Variants in LYRM4 observed in about 807,000 individuals in gnomAD.
The protein encoded by LYRM4 is LYR motif-containing protein 4.
A neutral mutation model predicts 11.7 loss-of-function variants in LYRM4; 9 were observed. The ratio of observed to expected loss-of-function variants is 0.77; its 90% CI spans 0.46 to 1.34. LYRM4 has a LOEUF of 1.34. Among genes scored for constraint, LYRM4 ranks in the 40% most tolerant of loss-of-function variants. LYRM4 has a pLI of 0.00. For synonymous variants in LYRM4, 42 were observed against 40.4 expected, an observed-to-expected ratio of 1.04 and a Z score of -0.15; for missense variants, 133 against 112.5, an observed-to-expected ratio of 1.18 and a Z score of -0.82.
chr6:5,079,143 G>T, the LYRM4 span, among the ~76,000 whole-genome samples: 4 of 152,148 alleles, frequency 2.6e-5, no homozygotes, highest in South Asian at 2.1e-4. Flanking sequence ...AAAACCCAAA[G>T]AAGTGGATAG....
rs116735506 is a variant in LYRM4, at chr6:5,181,549, T to C, written c.207+35069A>G. Reference sequence around the variant, plus strand: ...TCCCTAGATTTTCAAATGGTCCCTGTGTCCTCTCCTCCTCTTCACCACCAC... The same window carrying C: ...TCCCTAGATTTTCAAATGGTCCCTGCGTCCTCTCCTCCTCTTCACCACCAC... On this transcript the variant is annotated intron_variant, in intron 2 of 2. Transcript: ENST00000330636. 6.0e-3 allele frequency among the ~76,000 whole-genome samples: 907 copies of C among 152,282 alleles called. 11 individuals carry two copies. The highest frequency in any genetic ancestry group is 0.043 in the South Asian group (209 of 4,814).
At chr6:5,194,661 C>T (rs1404469994) in intron 2 of LYRM4, among the ~76,000 whole-genome samples, 1 of 152,184 alleles carries the variant, frequency 6.6e-6, no homozygotes, top group Non-Finnish European at 1.5e-5. Flanking sequence ...TGGAAAAATA[C>T]TACCTTTGAA....
At chr6:5,135,892 GC>G (rs1173758044) in intron 2 of LYRM4, among the ~76,000 whole-genome samples, 1 of 152,118 alleles carries the variant, frequency 6.6e-6, no homozygotes, top group Non-Finnish European at 1.5e-5. Flanking sequence ...AAACCCTGTA[GC>G]CATTAAACAC....
chr6:5,113,559 G>C (rs1277232089), intron 2 of LYRM4: 2 of 266,158 alleles, frequency 7.5e-6, no homozygotes, highest in Non-Finnish European at 1.5e-5. Flanking sequence ...TGCTGCAGGT[G>C]GATGCTGTAA....
At chr6:5,245,102 AAAAAAAAAAAAATATATAT>A (rs1764087595) in intron 1 of LYRM4, among the ~76,000 whole-genome samples, 2 of 56,496 alleles carry the variant, frequency 3.5e-5, no homozygotes, top group African/African-American at 1.3e-4. Context: ...AAAAAAAAAA[AAAAAAAAAAAAATATATAT>A]ATATATATAT....
chr6:5,204,433 C>T (rs1761573242), intron 2 of LYRM4, among the ~76,000 whole-genome samples: 1 of 152,042 alleles, frequency 6.6e-6, no homozygotes, highest in Admixed American at 6.6e-5. Flanking sequence ...AAAGCAGAAT[C>T]GAAGGACCCC....
At chr6:5,243,536 T>C (rs1461730320) in intron 1 of LYRM4, among the ~76,000 whole-genome samples, 4 of 152,198 alleles carry the variant, frequency 2.6e-5, no homozygotes, top group Admixed American at 2.0e-4. Flanking sequence ...AAATAAACAC[T>C]GGAGTCCCTC....
At chr6:5,083,676 G>A in the LYRM4 span, among the ~76,000 whole-genome samples, 2 of 152,192 alleles carry the variant, frequency 1.3e-5, no homozygotes, top group Non-Finnish European at 2.9e-5. Context: ...TCCTGTAGGT[G>A]CTCAGTCAAT....
chr6:5,167,879 A>G (rs1759180984), intron 2 of LYRM4, among the ~76,000 whole-genome samples: 1 of 152,128 alleles, frequency 6.6e-6, no homozygotes, highest in Non-Finnish European at 1.5e-5. Flanking sequence ...CTATGGATAG[A>G]AAATAACTAT....
At chr6:5,259,797 T>TA (rs70974186) in intron 1 of LYRM4, among the ~76,000 whole-genome samples, 4,932 of 151,284 alleles carry the variant, frequency 0.033, 116 homozygotes, top group Non-Finnish European at 0.044. Context: ...AGGTAGTTAG[T>TA]AAAAACAAAA....
At chr6:5,241,893 A>T (rs1763902731) in intron 1 of LYRM4, among the ~76,000 whole-genome samples, 1 of 152,140 alleles carries the variant, frequency 6.6e-6, no homozygotes, top group Non-Finnish European at 1.5e-5. Context: ...ACTCAGAAAT[A>T]TTGGAGATTC....
At chr6:5,245,657 G>C (rs1482837235) in intron 1 of LYRM4, among the ~76,000 whole-genome samples, 1 of 152,190 alleles carries the variant, frequency 6.6e-6, no homozygotes, top group Admixed American at 6.5e-5. Context: ...TCTAGTCCTT[G>C]TCCTTGACTT....
chr6:5,252,504 CCTTA>C (rs1339735494), intron 1 of LYRM4, among the ~76,000 whole-genome samples: 2 of 152,196 alleles, frequency 1.3e-5, no homozygotes, highest in African/African-American at 2.4e-5. Context: ...TTTTCACATG[CCTTA>C]CTGTCTTTGC....
the LYRM4 span, among the ~76,000 whole-genome samples, chr6:5,048,049 G>A: frequency 3.9e-5 from 6 of 152,138 alleles, no homozygotes; most frequent in South Asian, 2.1e-4. Flanking sequence ...GTCATTGAAC[G>A]GTCATGGATA....
chr6:5,035,228 C>A, the LYRM4 span, among the ~76,000 whole-genome samples: 1 of 152,036 alleles, frequency 6.6e-6, no homozygotes, highest in Non-Finnish European at 1.5e-5. Context: ...ATTGGCTGTG[C>A]TTCCCACTAC....
At chr6:5,165,155 G>GA (rs1454839022) in intron 2 of LYRM4, among the ~76,000 whole-genome samples, 1 of 152,150 alleles carries the variant, frequency 6.6e-6, no homozygotes, top group African/African-American at 2.4e-5. Flanking sequence ...TACTAGTTGA[G>GA]AAAATGGAGA....
intron 1 of LYRM4, among the ~76,000 whole-genome samples, chr6:5,254,566 A>G (rs192333389): frequency 1.4e-4 from 21 of 152,356 alleles, no homozygotes; most frequent in African/African-American, 4.8e-4. Context: ...CACTAGGAAT[A>G]GAGATAAGAC....
the LYRM4 span, chr6:5,086,923 T>C: frequency 3.6e-6 from 1 of 277,450 alleles, no homozygotes. Flanking sequence ...TCTAAGGCCT[T>C]GGGATTGGTT....
At chr6:5,168,170 C>T (rs1236934513) in intron 2 of LYRM4, among the ~76,000 whole-genome samples, 1 of 151,818 alleles carries the variant, frequency 6.6e-6, no homozygotes, top group Non-Finnish European at 1.5e-5. Context: ...AGAAGCTCTT[C>T]TTTATAAAAT....
Sources: gnomAD v4.1 joint callset for allele counts (sites outside exome capture counted in the v4.1 genomes callset) on GRCh38, gnomAD v4.1.1 for gene constraint, MANE v1.5 for transcripts, NCBI Gene and HGNC (gene_info 2026-07-23, HGNC 2026-07-21) for gene names.